Variants in PCDH15 observed in about 807,000 individuals in gnomAD.
PCDH15 encodes protocadherin-15.
In PCDH15, 129 loss-of-function variants were observed where a neutral mutation model predicts 178.5. That is an observed-to-expected ratio of 0.72 (90% confidence interval 0.63 to 0.84). The LOEUF is 0.84. Ranked by LOEUF, PCDH15 falls within the 40% of genes least tolerant of loss-of-function variation. The pLI, the probability that PCDH15 is intolerant of heterozygous loss-of-function variation, is 0.00. For synonymous variants in PCDH15, 800 were observed against 732.0 expected, an observed-to-expected ratio of 1.09 and a Z score of -1.50; for missense variants, 2,230 against 2,099.9, an observed-to-expected ratio of 1.06 and a Z score of -1.21.
At chr10:54,902,502 C>T (rs886635779) in intron 2 of PCDH15, among the ~76,000 whole-genome samples, 2 of 152,138 alleles carry the variant, frequency 1.3e-5, no homozygotes, top group African/African-American at 2.4e-5. Context: ...ATGCTTGCTT[C>T]CCCTTGCCAT....
chr10:55,249,727 T>G (rs1786456688), intron 1 of PCDH15, among the ~76,000 whole-genome samples: 1 of 152,034 alleles, frequency 6.6e-6, no homozygotes, highest in African/African-American at 2.4e-5. Flanking sequence ...CAAATATATG[T>G]TACACTTGGG....
chr10:55,310,881 A>G (rs1843568729), intron 1 of PCDH15, among the ~76,000 whole-genome samples: 1 of 152,148 alleles, frequency 6.6e-6, no homozygotes, highest in Non-Finnish European at 1.5e-5. Context: ...TCAGGTGGTG[A>G]GGGGCTAGGG....
chr10:54,458,893 G>C (rs1047067940), intron 3 of PCDH15, among the ~76,000 whole-genome samples: 1 of 152,090 alleles, frequency 6.6e-6, no homozygotes, highest in African/African-American at 2.4e-5. Flanking sequence ...GCTCATACTA[G>C]TGTACAGCAG....
chr10:54,391,101 A>G (rs531174406), intron 3 of PCDH15, among the ~76,000 whole-genome samples: 28 of 152,298 alleles, frequency 1.8e-4, no homozygotes, highest in African/African-American at 6.5e-4. Flanking sequence ...CCCTATATAC[A>G]TTCTCAAGTA....
chr10:54,000,889 T>G (rs546576139), intron 20 of PCDH15, among the ~76,000 whole-genome samples: 1 of 152,142 alleles, frequency 6.6e-6, no homozygotes, highest in Non-Finnish European at 1.5e-5. Flanking sequence ...TCAAGTTATT[T>G]AATAATCAAA....
At chr10:55,015,483 G>A (rs564857343) in intron 2 of PCDH15, among the ~76,000 whole-genome samples, 10 of 152,160 alleles carry the variant, frequency 6.6e-5, no homozygotes, top group South Asian at 6.2e-4. Flanking sequence ...AGTACTGAGC[G>A]CTGTTCAATG....
chr10:55,022,936 A>G (rs1840372105), intron 2 of PCDH15, among the ~76,000 whole-genome samples: 1 of 143,040 alleles, frequency 7.0e-6, no homozygotes, highest in Admixed American at 7.1e-5. Context: ...GTTTTATTGT[A>G]TTTATTTATA....
intron 2 of PCDH15, among the ~76,000 whole-genome samples, chr10:54,574,337 G>A (rs904371070): frequency 1.1e-4 from 17 of 149,354 alleles, no homozygotes; most frequent in Admixed American, 1.0e-3. Flanking sequence ...GATAGTTGTA[G>A]ATATGTGGCG....
At chr10:55,222,730 CAT>C (rs142618720) in intron 1 of PCDH15, among the ~76,000 whole-genome samples, 1,648 of 121,160 alleles carry the variant, frequency 0.014, 79 homozygotes, top group African/African-American at 0.023. Context: ...CACACACACA[CAT>C]ATATATATAT....
chr10:55,549,592 G>T (rs1841963936), intron 2 of PCDH15, among the ~76,000 whole-genome samples: 1 of 152,148 alleles, frequency 6.6e-6, no homozygotes, highest in Non-Finnish European at 1.5e-5. Flanking sequence ...TGGGCTAAAA[G>T]TAGAAGTTTC....
chr10:55,049,963 C>T (rs1011874542), intron 2 of PCDH15, among the ~76,000 whole-genome samples: 3 of 151,964 alleles, frequency 2.0e-5, no homozygotes, highest in African/African-American at 7.2e-5. Context: ...TTGGAAATTT[C>T]AATGGCCTTT....
At chr10:55,138,280 A>T (rs942077242) in intron 2 of PCDH15, among the ~76,000 whole-genome samples, 3 of 152,168 alleles carry the variant, frequency 2.0e-5, no homozygotes, top group African/African-American at 7.2e-5. Flanking sequence ...TTCCAATATA[A>T]GTAGGGGTTC....
chr10:55,548,252 AC>A (rs1841934575), intron 2 of PCDH15, among the ~76,000 whole-genome samples: 3 of 148,770 alleles, frequency 2.0e-5, no homozygotes, highest in African/African-American at 5.1e-5. Context: ...ACACACACAC[AC>A]AAACATGATC....
At chr10:55,173,097 C>T (rs1311024309) in intron 1 of PCDH15, among the ~76,000 whole-genome samples, 1 of 151,412 alleles carries the variant, frequency 6.6e-6, no homozygotes, top group African/African-American at 2.4e-5. Flanking sequence ...GGACATGTAT[C>T]AATTCTGCAA....
intron 2 of PCDH15, among the ~76,000 whole-genome samples, chr10:55,600,463 T>C (rs1225309475): frequency 6.6e-6 from 1 of 152,102 alleles, no homozygotes; most frequent in Non-Finnish European, 1.5e-5. Flanking sequence ...TATTACACAT[T>C]GACCCAATAA....
chr10:54,898,164 C>A lies in PCDH15; in HGVS notation c.-79-664G>T, dbSNP rs141545044. 1.3e-3 allele frequency among the ~76,000 whole-genome samples: 205 copies of A among 152,222 alleles called. 1 individual carries two copies. The highest frequency in any genetic ancestry group is 4.7e-3 in the African/African-American group (197 of 41,538). ...AGATGCTGGCACAATGCTTCCTGTA[C>A]AGACTGCAGAACCATGAGCCAATTA... On this transcript the variant is annotated intron_variant, in intron 2 of 5. Transcript: ENST00000458638.
intron 8 of PCDH15, among the ~76,000 whole-genome samples, chr10:54,274,986 A>ATT (rs2058269090): frequency 6.6e-6 from 1 of 152,028 alleles, no homozygotes; most frequent in African/African-American, 2.4e-5. Context: ...ATTGCACAGC[A>ATT]TTAGGGATCC....
At chr10:54,296,318 G>A (rs2059784341) in intron 8 of PCDH15, among the ~76,000 whole-genome samples, 1 of 151,932 alleles carries the variant, frequency 6.6e-6, no homozygotes, top group African/African-American at 2.4e-5. Context: ...TGAGCCGAGG[G>A]TAGACAGAGT....
chr10:54,158,401 A>G (rs1444867525), intron 13 of PCDH15, among the ~76,000 whole-genome samples: 1 of 152,170 alleles, frequency 6.6e-6, no homozygotes, highest in Non-Finnish European at 1.5e-5. Flanking sequence ...GAGAACAGCA[A>G]GGGAAAATCT....
Sources: gnomAD v4.1 joint callset for allele counts (sites outside exome capture counted in the v4.1 genomes callset) on GRCh38, gnomAD v4.1.1 for gene constraint, MANE v1.5 for transcripts, NCBI Gene and HGNC (gene_info 2026-07-23, HGNC 2026-07-21) for gene names.